Variants in FKBP4 observed in about 807,000 individuals in gnomAD.
FKBP4 encodes peptidyl-prolyl cis-trans isomerase FKBP4.
A neutral mutation model predicts 54.1 loss-of-function variants in FKBP4; 28 were observed. The ratio of observed to expected loss-of-function variants is 0.52; its 90% CI spans 0.38 to 0.71. The LOEUF is 0.71. FKBP4 is among the 30% of genes least tolerant of loss of function. FKBP4 has a pLI of 0.00. For missense variants in FKBP4, 493 were observed against 574.4 expected (o/e 0.86, Z 1.45); for synonymous variants, 223 against 216.1 (o/e 1.03, Z -0.28).
Position 2,795,905 on chromosome 12 carries a change from G to C in FKBP4, c.105+661G>C. On this transcript the variant is annotated intron_variant, in intron 1 of 9. Transcript: ENST00000001008. This position sits in a 1 kb window ranked among gnomAD's most constrained non-coding sequence, Gnocchi z 4.3. ...CCTCGGCCCCGGGGAGGCCGGGCGC[G>C]GGGCATGCCGGGAGCTGTAGTCCCC... 2 of 979,634 alleles carry C rather than the reference G, an allele frequency of 2.0e-6. No homozygotes were observed. The highest frequency in any genetic ancestry group is 2.4e-6 in the Non-Finnish European group (2 of 823,042). 60.7% of individuals were successfully genotyped at this position (979,634 alleles called of 1,614,324 possible).
chr12:2,800,788 C>G (rs2097904305), intron 8 of FKBP4, among the ~76,000 whole-genome samples: 1 of 152,198 alleles, frequency 6.6e-6, no homozygotes, highest in Non-Finnish European at 1.5e-5. Flanking sequence ...AGGAGGAGGA[C>G]ACGGAATGGG....
In FKBP4 at chr12:2,798,781, C is replaced by CG; in HGVS notation, c.470dup (p.Gly158ArgfsTer2). ...CGGAATCATTCGCAGAATACAGACT[C>CG]GCGGTGAAGGCTATGCTAAGCCCAA... On this transcript the variant is annotated frameshift_variant, in exon 4 of 10. Coordinates refer to ENST00000001008, the MANE Select transcript of FKBP4 (RefSeq NM_002014.4). LOFTEE classifies it high-confidence loss of function. This position sits in a 1 kb window ranked among gnomAD's most constrained non-coding sequence, Gnocchi z 4.3. The CG allele has an allele frequency of 6.2e-7, 1 of 1,614,134 alleles. No homozygotes were observed. Among genetic ancestry groups the CG allele is most frequent in the Non-Finnish European group, 8.5e-7 (1 of 1,180,036 alleles).
intron 1 of FKBP4, chr12:2,796,355 G>C (rs768598933): frequency 1.2e-5 from 16 of 1,289,098 alleles, no homozygotes; most frequent in Non-Finnish European, 1.0e-6. Context: ...TTTTCTACGA[G>C]ATTGTTATTC....
In FKBP4 at chr12:2,805,323, G is replaced by C; in HGVS notation, c.*2065G>C. The C allele has an allele frequency of 2.7e-6, 1 of 366,426 alleles. No homozygotes were observed. The highest frequency in any genetic ancestry group is 7.9e-5 in the East Asian group (1 of 12,648). The allele number at this position is 366,426 out of a possible 1,614,324, so 22.7% of individuals were successfully genotyped here. On this transcript the variant is annotated 3_prime_UTR_variant, in exon 10 of 10. Transcript: ENST00000001008. The stretch of plus-strand genomic sequence containing the variant: ...GTTTCTTCCAGCTCTGCATCCTGTA[G>C]GATTCCAAGAATGTAAAACTGCATG...
Position 2,795,836 on chromosome 12 carries a change from GCCGGGACCC to G in FKBP4, c.105+593_105+601del. The G allele has an allele frequency of 1.9e-6, 1 of 516,072 alleles. No individual in the cohort carries two copies. The highest frequency in any genetic ancestry group is 2.5e-6 in the Non-Finnish European group (1 of 399,778). 32.0% of individuals were successfully genotyped at this position (516,072 alleles called of 1,614,324 possible). Reference sequence around the variant, plus strand: ...CGCCCTCCCGGGGTCCCCTGCCGACGCCGGGACCCAGCGAGGTCCCCACTCGCCGCGCGG... The same window carrying G: ...CGCCCTCCCGGGGTCCCCTGCCGACGAGCGAGGTCCCCACTCGCCGCGCGG... On this transcript the variant is annotated intron_variant, in intron 1 of 9. Coordinates refer to ENST00000001008, the MANE Select transcript of FKBP4 (RefSeq NM_002014.4). This position sits in a 1 kb window ranked among gnomAD's most constrained non-coding sequence, Gnocchi z 4.3.
Position 2,798,939 on chromosome 12 carries a change from G to T in FKBP4, c.514+113G>T. On this transcript the variant is annotated intron_variant, in intron 4 of 9. Coordinates refer to ENST00000001008, the MANE Select transcript of FKBP4 (RefSeq NM_002014.4). The surrounding 1 kb of genome is among the most constrained non-coding windows in gnomAD (Gnocchi z 4.3). ...CTATCTTCTTGTCCATAAAATGAGG[G>T]GTTGGACCATATTCTCTTCATATCA... The T allele has an allele frequency of 1.4e-6, 2 of 1,420,948 alleles. No homozygotes were observed. Among genetic ancestry groups the T allele is most frequent in the East Asian group, 2.3e-5 (1 of 43,164 alleles). 88.0% of individuals were successfully genotyped at this position (1,420,948 alleles called of 1,614,324 possible).
rs1400380922 is a variant in FKBP4, at chr12:2,796,240, A to G, written c.106-898A>G. ...ACCTCAGGGGGCCTTTACCTGGTCC[A>G]GAAGTGCATCTGTCTTTGCACCAGA... is the stretch of plus-strand genomic sequence containing the variant. On this transcript the variant is annotated intron_variant, in intron 1 of 9. Transcript: ENST00000001008. 6 of 1,289,118 alleles carry G rather than the reference A, an allele frequency of 4.7e-6. No homozygotes were observed. In the African/African-American group the frequency reaches 7.6e-5, roughly 16 times the overall value. 79.9% of individuals were successfully genotyped at this position (1,289,118 alleles called of 1,614,324 possible). A position where few individuals can be genotyped will look rare whatever the true frequency, so the allele number is the denominator to read the frequency against.
intron 1 of FKBP4, 154 bp from the exon 2 acceptor site, chr12:2,796,984 A>G (rs1396601370): frequency 3.3e-5 from 47 of 1,411,958 alleles, no homozygotes; most frequent in Non-Finnish European, 4.1e-5. Flanking sequence ...CTCATAAGCC[A>G]AGCTGCTAGT....
chr12:2,796,640 T>A, intron 1 of FKBP4: 2 of 1,131,216 alleles, frequency 1.8e-6, no homozygotes. Context: ...TTTGAACTGT[T>A]TCTATTCTCT....
Position 2,798,063 on chromosome 12 carries a change from G to A in FKBP4, c.393+192G>A, listed in dbSNP as rs538660974. Among the ~76,000 whole-genome samples the A allele has an allele frequency of 1.3e-5, 2 of 152,338 alleles. No homozygotes were observed. Among genetic ancestry groups the A allele is most frequent in the East Asian group, 3.9e-4 (2 of 5,184 alleles). On this transcript the variant is annotated intron_variant, in intron 3 of 9. Coordinates refer to ENST00000001008, the MANE Select transcript of FKBP4 (RefSeq NM_002014.4). The surrounding 1 kb of genome is among the most constrained non-coding windows in gnomAD (Gnocchi z 4.3). ...AAGTAATAGAAGCTTCGGGTGGGAA[G>A]AGGCAGGCACAAGCCCCTCTCCAGA...
Position 2,800,420 on chromosome 12 carries a change from A to G in FKBP4, c.875A>G (p.Gln292Arg). Reference sequence around the variant, plus strand: ...GGTAAATACAAGCAAGCTTTACTACAGTATAAGAAGATCGTGTCTTGGCTG... The same window carrying G: ...GGTAAATACAAGCAAGCTTTACTACGGTATAAGAAGATCGTGTCTTGGCTG... ...KEGKYKQALL[Q>R]YKKIVSWLEY... The change falls in exon 8 of 10, where the codon CAG becomes CGG. Residue 292 changes from glutamine (Q) to arginine (R), a missense_variant. Transcript: ENST00000001008. The G allele has an allele frequency of 6.2e-7, 1 of 1,613,332 alleles. No homozygotes were observed. Among genetic ancestry groups the G allele is most frequent in the Non-Finnish European group, 8.5e-7 (1 of 1,179,586 alleles).
At chr12:2,799,371 T>C (rs2097903560) in intron 5 of FKBP4, 127 bp downstream of exon 5, 1 of 1,002,838 alleles carries the variant, frequency 1.0e-6, no homozygotes, top group African/African-American at 1.6e-5. Flanking sequence ...ACCATTATGA[T>C]ATCCTCAGTG....
Position 2,798,764 on chromosome 12 carries a change from T to C in FKBP4, c.452T>C (p.Ile151Thr), listed in dbSNP as rs1262487103. The change falls in exon 4 of 10, where the codon ATT (isoleucine) becomes ACT (threonine). Residue 151 changes from isoleucine (I) to threonine (T), a missense_variant. By Grantham distance (89) the Ile-to-Thr change is moderately conservative (BLOSUM62 -1). Coordinates refer to ENST00000001008, the MANE Select transcript of FKBP4 (RefSeq NM_002014.4). The surrounding 1 kb of genome is among the most constrained non-coding windows in gnomAD (Gnocchi z 4.3). ...DLTEEEDGGI[I>T]RRIQTRGEGY... ...ACGGAAGAGGAAGATGGCGGAATCA[T>C]TCGCAGAATACAGACTCGCGGTGAA... is the stretch of plus-strand genomic sequence containing the variant. The C allele has an allele frequency of 3.7e-6, 6 of 1,614,128 alleles. No homozygotes were observed. The East Asian group carries it at 8.9e-5, about 24-fold the overall frequency.
rs1369537547 is a variant in FKBP4 at position 2,797,186 on chromosome 12, C to T, written c.154C>T (p.Arg52Ter). ...TACAGAGATGCCCATGATTGGGGAC[C>T]GAGTCTTTGTCCACTACACTGGCTG... ...TGTEMPMIGD[R>*]VFVHYTGWLL... Residue 52 changes from arginine (R) to a stop codon, truncating the protein, a stop_gained, in exon 2 of 10, where the codon CGA becomes TGA. Coordinates refer to ENST00000001008, the MANE Select transcript of FKBP4 (RefSeq NM_002014.4). LOFTEE classifies it high-confidence loss of function. 2.5e-6 allele frequency: 4 copies of T among 1,613,498 alleles called. No individual in the cohort carries two copies. The highest frequency in any genetic ancestry group is 2.5e-6 in the Non-Finnish European group (3 of 1,179,824).
At position 2,799,243 on chromosome 12, in the gene FKBP4, A is replaced by G; in HGVS notation, c.670A>G (p.Ser224Gly). 1 of 1,500,758 alleles carries G rather than the reference A, an allele frequency of 6.7e-7. No individual in the cohort carries two copies. The highest frequency in any genetic ancestry group is 8.9e-7 in the Non-Finnish European group (1 of 1,125,212). The allele number at this position is 1,500,758 out of a possible 1,614,324, so 93.0% of individuals were successfully genotyped here. The change falls in exon 5 of 10, where the codon AGC becomes GGC. Residue 224 changes from serine to glycine, a missense_variant and splice_region_variant. Physicochemically the swap from Ser to Gly is moderately conservative, Grantham distance 56. Transcript: ENST00000001008. ...GEHSIVYLKP[S>G]YAFGSVGKEK... ...ACATTCCATCGTGTACCTCAAGCCCAGGTGAGGGGTGGGCACTTCGTAGGG... is the reference window on the plus strand; with the variant it reads ...ACATTCCATCGTGTACCTCAAGCCCGGGTGAGGGGTGGGCACTTCGTAGGG...
In FKBP4 at chr12:2,801,238, AC is replaced by A; in HGVS notation, c.1155del (p.Asn385LysfsTer56). On this transcript the variant is annotated frameshift_variant, in exon 9 of 10. Coordinates refer to ENST00000001008, the MANE Select transcript of FKBP4 (RefSeq NM_002014.4). LOFTEE classifies it high-confidence loss of function. ...DFQKVLQLYP[N>X]NKAAKTQLAV... ...CAGAAGGTCCTGCAGCTCTACCCCA[AC>A]AACAAAGCCGCCAAGACCCAGCTGG... The A allele has an allele frequency of 6.2e-7, 1 of 1,613,476 alleles. No individual in the cohort carries two copies. Among genetic ancestry groups the A allele is most frequent in the African/African-American group, 1.3e-5 (1 of 75,034 alleles).
chr12:2,799,787 CT>C, intron 5 of FKBP4, 62 bp from the exon 6 acceptor site: 1 of 1,423,296 alleles, frequency 7.0e-7, no homozygotes, highest in Non-Finnish European at 9.9e-7. Context: ...GACAGGAAGC[CT>C]TTTCAGCCTG....
rs748615970 is a variant in FKBP4, at chr12:2,798,090, T to C, written c.393+219T>C. Among the ~76,000 whole-genome samples, 3 of 152,130 alleles carry C rather than the reference T, an allele frequency of 2.0e-5. No individual in the cohort carries two copies. Among genetic ancestry groups the C allele is most frequent in the Non-Finnish European group, 2.9e-5 (2 of 68,028 alleles). ...GGCAGGCACAAGCCCCTCTCCAGACTCAAAGCATGGTCAGGGTTAAGGCAT... is the reference window on the plus strand; with the variant it reads ...GGCAGGCACAAGCCCCTCTCCAGACCCAAAGCATGGTCAGGGTTAAGGCAT... On this transcript the variant is annotated intron_variant, in intron 3 of 9. Coordinates refer to ENST00000001008, the MANE Select transcript of FKBP4 (RefSeq NM_002014.4). This position sits in a 1 kb window ranked among gnomAD's most constrained non-coding sequence, Gnocchi z 4.3.
Position 2,795,958 on chromosome 12 carries a change from G to T in FKBP4, c.105+714G>T. ...CCCCCTCCGCCGCCTCCCGGAGCCA[G>T]GGCTGCGGGGTGTGGGGCGGGGAGG... On this transcript the variant is annotated intron_variant, in intron 1 of 9. Coordinates refer to ENST00000001008, the MANE Select transcript of FKBP4 (RefSeq NM_002014.4). The surrounding 1 kb of genome is among the most constrained non-coding windows in gnomAD (Gnocchi z 4.3). The T allele has an allele frequency of 9.5e-7, 1 of 1,049,434 alleles. No individual in the cohort carries two copies. The highest frequency in any genetic ancestry group is 1.2e-6 in the Non-Finnish European group (1 of 866,306). 65.0% of individuals were successfully genotyped at this position (1,049,434 alleles called of 1,614,324 possible). A position where few individuals can be genotyped will look rare whatever the true frequency, so the allele number is the denominator to read the frequency against.
Sources: gnomAD v4.1 joint callset for allele counts (sites outside exome capture counted in the v4.1 genomes callset) on GRCh38, gnomAD v4.1.1 for gene constraint, Gnocchi (gnomAD v3.1) non-coding constraint, MANE v1.5 for transcripts, NCBI Gene and HGNC (gene_info 2026-07-23, HGNC 2026-07-21) for gene names.